ASPSCR1: variants seen among roughly 807,000 people sequenced by gnomAD.
ASPSCR1 encodes the protein ASPSCR1 tether for SLC2A4, UBX domain containing, also known as tether containing UBX domain for GLUT4.
ASPSCR1 carries 55 observed loss-of-function variants against 68.9 expected under a neutral mutation model. That is an observed-to-expected ratio of 0.80 (90% CI 0.64 to 1.00). ASPSCR1 has a LOEUF of 1.00. ASPSCR1 is among the 50% of genes least tolerant of loss of function. The probability of loss-of-function intolerance (pLI) is 0.00; values close to 1 mark genes in which losing one functional copy is unlikely to be tolerated. For synonymous variants in ASPSCR1, 352 were observed against 332.6 expected (o/e 1.06, Z -0.63); for missense variants, 765 against 762.2 (o/e 1.00, Z -0.04).
At chr17:81,995,944 C>A (rs371810029) in intron 5 of ASPSCR1, 48 bp from the exon 6 acceptor site, 73 of 1,583,154 alleles carry the variant, frequency 4.6e-5, no homozygotes, top group Non-Finnish European at 5.8e-5. Context: ...TCCCTGGGCT[C>A]TGGGGTCCCG....
Position 82,016,966 on chromosome 17 carries a change from C to G in ASPSCR1, c.1501C>G (p.Pro501Ala). The G allele has an allele frequency of 6.2e-7, 1 of 1,611,858 alleles. No homozygotes were observed. The highest frequency in any genetic ancestry group is 1.3e-5 in the African/African-American group (1 of 75,010). ...ARYMSRAAGS[P>A]SPLPAPDPAP... ...GTACATGTCCAGGGCCGCCGGGTCCCCTTCCCCATTGCCAGCCCCTGACCC... is the reference window on the plus strand; with the variant it reads ...GTACATGTCCAGGGCCGCCGGGTCCGCTTCCCCATTGCCAGCCCCTGACCC... The change falls in exon 15 of 16, where the codon CCT becomes GCT. Residue 501 changes from proline to alanine, a missense_variant. Coordinates refer to ENST00000306739, the MANE Select transcript of ASPSCR1 (RefSeq NM_024083.4).
rs1567959937 is a variant in ASPSCR1, at chr17:81,986,869, G to A, written c.374+1262G>A. On this transcript the variant is annotated intron_variant, in intron 4 of 15. Transcript: ENST00000306739. The surrounding 1 kb of genome is among the most constrained non-coding windows in gnomAD (Gnocchi z 5.2). ...TTGCGTTCGTGGGTGAGAGCGCTGAGGTCTGCACGTCGGGTCTCAGTGGTC... is the reference window on the plus strand; with the variant it reads ...TTGCGTTCGTGGGTGAGAGCGCTGAAGTCTGCACGTCGGGTCTCAGTGGTC... Among the ~76,000 whole-genome samples, 1 of 152,188 alleles carries A rather than the reference G, an allele frequency of 6.6e-6. No individual in the cohort carries two copies. Among genetic ancestry groups the A allele is most frequent in the Admixed American group, 6.5e-5 (1 of 15,276 alleles).
At position 81,985,542 on chromosome 17, in the gene ASPSCR1, G is replaced by A; in HGVS notation, c.309G>A (p.Arg103=). ...CTTTGCAGCTGGACGATGGCTCGAG[G>A]TTGCAGGACTCTTTCTGTTCAGGCC... ...RIALQLDDGS[R]LQDSFCSGQT... is the part of the protein sequence containing the mutation. The change falls in exon 4 of 16, where the codon AGG becomes AGA. Residue 103 remains arginine, a synonymous_variant. Coordinates refer to ENST00000306739, the MANE Select transcript of ASPSCR1 (RefSeq NM_024083.4). 1 of 1,614,096 alleles carries A rather than the reference G, an allele frequency of 6.2e-7. No homozygotes were observed. The highest frequency in any genetic ancestry group is 8.5e-7 in the Non-Finnish European group (1 of 1,180,038).
intron 2 of ASPSCR1, among the ~76,000 whole-genome samples, chr17:81,982,948 G>A (rs2041842529): frequency 6.6e-6 from 1 of 152,132 alleles, no homozygotes; most frequent in African/African-American, 2.4e-5. Context: ...CGAGTAGCTG[G>A]GACTACAGGC....
chr17:82,009,634 A>T, intron 9 of ASPSCR1, 67 bp downstream of exon 9: 1 of 1,291,820 alleles, frequency 7.7e-7, no homozygotes, highest in Non-Finnish European at 1.1e-6. Flanking sequence ...AGGTCTGTGG[A>T]CGGGATGGGG....
chr17:81,996,407 T>C lies in ASPSCR1; in HGVS notation c.507-13T>C. 1 of 1,570,370 alleles carries C rather than the reference T, an allele frequency of 6.4e-7. No homozygotes were observed. Among genetic ancestry groups the C allele is most frequent in the East Asian group, 2.3e-5 (1 of 44,172 alleles). ...ACCACAAGGTGCTTCCCTTGTCCTC[T>C]GGCCCCACTCAGGTTTGTCATGAAG... On this transcript the variant is annotated splice_polypyrimidine_tract_variant and intron_variant, in intron 6 of 15. Transcript: ENST00000306739.
At position 81,996,013 on chromosome 17, in the gene ASPSCR1, C is replaced by T. The variant is rs368561373; in HGVS notation, c.454C>T (p.Arg152Trp). ...GCAGGTGACGGGTGAAGCTGCCCTG[C>T]GGGGCACGACGCTGCAGTCGCTGGG... ...RDEVTGEAALRGTTLQSLGLT... is the reference protein window; with the variant it reads ...RDEVTGEAALWGTTLQSLGLT... The change falls in exon 6 of 16, where the codon CGG (arginine) becomes TGG (tryptophan). Residue 152 changes from arginine (R) to tryptophan (W), a missense_variant. By Grantham distance (101) the Arg-to-Trp change is moderately radical. Coordinates refer to ENST00000306739, the MANE Select transcript of ASPSCR1 (RefSeq NM_024083.4). The T allele has an allele frequency of 3.5e-5, 57 of 1,610,024 alleles. 1 individual carries two copies. The highest frequency in any genetic ancestry group is 1.4e-4 in the South Asian group (13 of 90,416).
At chr17:81,996,908 G>A (rs1312182674) in intron 7 of ASPSCR1, 62 bp downstream of exon 7, 68 of 1,519,838 alleles carry the variant, frequency 4.5e-5, no homozygotes, top group Admixed American at 6.7e-5. Context: ...GTAGCCCTGC[G>A]TGGCTTTAGC....
intron 7 of ASPSCR1, 96 bp downstream of exon 7, chr17:81,996,942 T>G (rs1363823298): frequency 1.7e-5 from 25 of 1,507,944 alleles, no homozygotes; most frequent in Non-Finnish European, 2.2e-5. Context: ...GGCGTGGCCG[T>G]GATGCGGGCA....
In ASPSCR1 at chr17:81,990,228, G is replaced by A. The variant is rs1229069920; in HGVS notation, c.375-4593G>A. ...GTGAGCCGTCTCATGCTCTTGTTGT[G>A]CAGAGTCCTTGAGACCTGCATGTAT... On this transcript the variant is annotated intron_variant, in intron 4 of 15. Transcript: ENST00000306739. This position sits in a 1 kb window ranked among gnomAD's most constrained non-coding sequence, Gnocchi z 4.1. Among the ~76,000 whole-genome samples the A allele has an allele frequency of 6.6e-6, 1 of 152,206 alleles. No individual in the cohort carries two copies. Among genetic ancestry groups the A allele is most frequent in the African/African-American group, 2.4e-5 (1 of 41,448 alleles).
chr17:81,996,907 C>T (rs903085163), intron 7 of ASPSCR1, 61 bp downstream of exon 7: 37 of 1,518,856 alleles, frequency 2.4e-5, no homozygotes, highest in Non-Finnish European at 3.1e-5. Context: ...TGTAGCCCTG[C>T]GTGGCTTTAG....
intron 13 of ASPSCR1, 101 bp downstream of exon 13, chr17:82,016,628 G>C: frequency 6.7e-7 from 1 of 1,490,496 alleles, no homozygotes; most frequent in Non-Finnish European, 9.1e-7. Flanking sequence ...GGCCTCCTTT[G>C]GGTCTGAGAG....
chr17:81,997,731 C>T (rs1259740729), intron 7 of ASPSCR1, among the ~76,000 whole-genome samples: 2 of 150,604 alleles, frequency 1.3e-5, no homozygotes, highest in Non-Finnish European at 1.5e-5. Context: ...CCTTGTGATC[C>T]ACCCACCTCG....
In ASPSCR1 at chr17:81,987,935, G is replaced by A. The variant is rs1343943077; in HGVS notation, c.374+2328G>A. On this transcript the variant is annotated intron_variant, in intron 4 of 15. Coordinates refer to ENST00000306739, the MANE Select transcript of ASPSCR1 (RefSeq NM_024083.4). This position sits in a 1 kb window ranked among gnomAD's most constrained non-coding sequence, Gnocchi z 5.6. ...AGCACTTTGGGAGGCTGAGGCGGGT[G>A]GATCACGAGGTCAGGAGTTCGAGAC... 6.6e-6 allele frequency among the ~76,000 whole-genome samples: 1 copy of A among 152,084 alleles called. No homozygotes were observed. Among genetic ancestry groups the A allele is most frequent in the Non-Finnish European group, 1.5e-5 (1 of 68,016 alleles).
Position 82,017,070 on chromosome 17 carries a change from G to T in ASPSCR1, c.1605G>T (p.Val535=), listed in dbSNP as rs1263456391. Residue 535 remains valine (V), a synonymous_variant, in exon 15 of 16, where the codon GTG becomes GTT. Transcript: ENST00000306739. ...PEPIPGTAQP[V]KRSLGKVPKW... is the part of the protein sequence containing the mutation. ...CCATCCCAGGGACGGCCCAGCCCGT[G>T]AAGAGGAGCCTGGGCAAGGTGCCCA... The T allele has an allele frequency of 1.9e-6, 3 of 1,608,774 alleles. No individual in the cohort carries two copies. Among genetic ancestry groups the T allele is most frequent in the Non-Finnish European group, 2.5e-6 (3 of 1,178,910 alleles).
intron 7 of ASPSCR1, among the ~76,000 whole-genome samples, chr17:81,998,826 T>C (rs1363824505): frequency 1.3e-5 from 2 of 152,240 alleles, no homozygotes; most frequent in African/African-American, 4.8e-5. Context: ...TGGCCACTGC[T>C]CACTGCAGAC....
intron 2 of ASPSCR1, among the ~76,000 whole-genome samples, chr17:81,979,742 G>T (rs2041733870): frequency 1.3e-5 from 2 of 152,164 alleles, no homozygotes. Flanking sequence ...TGAGGGGAAA[G>T]AGCTGGCCGT....
intron 12 of ASPSCR1, 64 bp downstream of exon 12, chr17:82,012,347 G>A (rs1206178956): frequency 9.1e-6 from 14 of 1,542,296 alleles, no homozygotes; most frequent in East Asian, 4.5e-5. Context: ...GGACGAGAGC[G>A]TGAGGCCTCG....
intron 3 of ASPSCR1, among the ~76,000 whole-genome samples, chr17:81,984,718 C>G (rs763494271): frequency 1.3e-5 from 2 of 151,962 alleles, no homozygotes; most frequent in African/African-American, 4.8e-5. Flanking sequence ...GAAGCCCCCA[C>G]TGGGACACGA....
Sources: allele counts gnomAD v4.1 joint callset (sites outside exome capture counted in the v4.1 genomes callset), GRCh38; gene constraint gnomAD v4.1.1; non-coding constraint Gnocchi (gnomAD v3.1); transcripts MANE v1.5; gene names NCBI Gene and HGNC (gene_info 2026-07-23, HGNC 2026-07-21).